FER: variants seen among roughly 807,000 people sequenced by gnomAD.
The protein encoded by FER is tyrosine-protein kinase Fer.
In FER, 63 loss-of-function variants were observed where a neutral mutation model predicts 111.0. The observed-to-expected ratio is 0.57, with a 90% CI of 0.46 to 0.70. The LOEUF is 0.70. Among genes scored for constraint, FER ranks in the 30% least tolerant of loss-of-function variants. FER has a pLI of 0.00. For synonymous variants in FER, 327 were observed against 313.9 expected (o/e 1.04, Z -0.44); for missense variants, 914 against 954.0 (o/e 0.96, Z 0.55).
rs969684453 is a variant in FER at position 109,192,702 on chromosome 5, G to A, written c.*5127G>A. On this transcript the variant is annotated 3_prime_UTR_variant, in exon 20 of 20. Coordinates refer to ENST00000281092, the MANE Select transcript of FER (RefSeq NM_005246.4). ...ACCTGGGCTAAAGTCTCCTAAATGG[G>A]ACTACACTTAGATCCGCCCTATTTC... 6.6e-6 allele frequency: 1 copy of A among 152,072 alleles called. No individual in the cohort carries two copies. Among genetic ancestry groups the A allele is most frequent in the Non-Finnish European group, 1.5e-5 (1 of 67,998 alleles). 9.4% of individuals were successfully genotyped at this position (152,072 alleles called of 1,614,324 possible). A position where few individuals can be genotyped will look rare whatever the true frequency, so the allele number is the denominator to read the frequency against.
chr5:108,893,251 C>T (rs1167086201), intron 9 of FER, among the ~76,000 whole-genome samples: 2 of 151,482 alleles, frequency 1.3e-5, no homozygotes, highest in Admixed American at 6.6e-5. Context: ...CTATAAATTA[C>T]TTTGGGCAGT....
intron 17 of FER, among the ~76,000 whole-genome samples, chr5:109,107,647 T>C (rs1749102272): frequency 6.6e-6 from 1 of 152,158 alleles, no homozygotes. Context: ...CTCACAGAAC[T>C]CAAGGACTGA....
intron 2 of FER, among the ~76,000 whole-genome samples, chr5:108,769,046 C>T (rs982981477): frequency 1.3e-5 from 2 of 152,134 alleles, no homozygotes; most frequent in African/African-American, 4.8e-5. Flanking sequence ...AGGCTCTTCT[C>T]AAACTCCTGA....
chr5:108,820,643 G>A (rs1758736744), intron 3 of FER: 1 of 590,556 alleles, frequency 1.7e-6, no homozygotes. Context: ...TTTGAGACTG[G>A]ACCGTAACTG....
chr5:109,168,006 A>C (rs1362441404), intron 17 of FER, among the ~76,000 whole-genome samples: 1 of 150,888 alleles, frequency 6.6e-6, no homozygotes, highest in African/African-American at 2.5e-5. Flanking sequence ...TCTTAGCTTA[A>C]TTATACCAAA....
At chr5:108,762,802 C>T (rs1394886665) in intron 1 of FER, among the ~76,000 whole-genome samples, 1 of 152,144 alleles carries the variant, frequency 6.6e-6, no homozygotes, top group Non-Finnish European at 1.5e-5. Flanking sequence ...CTGTTCTCTG[C>T]TTAGAATGCC....
At chr5:108,998,990 G>GA in intron 13 of FER, among the ~76,000 whole-genome samples, 1 of 152,104 alleles carries the variant, frequency 6.6e-6, no homozygotes, top group East Asian at 1.9e-4. Flanking sequence ...TTTCAAACAT[G>GA]AAAAAATACA....
At chr5:109,054,206 A>G (rs1773323503) in intron 16 of FER, among the ~76,000 whole-genome samples, 1 of 152,212 alleles carries the variant, frequency 6.6e-6, no homozygotes, top group Non-Finnish European at 1.5e-5. Context: ...TTAAGAAACT[A>G]CCAAATTACT....
chr5:109,107,288 T>G (rs991859007), intron 17 of FER, among the ~76,000 whole-genome samples: 3 of 152,156 alleles, frequency 2.0e-5, no homozygotes, highest in African/African-American at 7.2e-5. Context: ...TTTTAGGGAA[T>G]ATTTGATTAC....
chr5:109,041,120 A>G (rs1281261900), intron 14 of FER, among the ~76,000 whole-genome samples: 1 of 152,184 alleles, frequency 6.6e-6, no homozygotes, highest in Admixed American at 6.6e-5. Context: ...ATTGAGTAGC[A>G]TTAAGGGCCC....
At chr5:108,861,822 G>T (rs569912474) in intron 5 of FER, among the ~76,000 whole-genome samples, 1 of 152,050 alleles carries the variant, frequency 6.6e-6, no homozygotes, top group East Asian at 1.9e-4. Flanking sequence ...TTTTTATATG[G>T]TATTAACATT....
intron 17 of FER, among the ~76,000 whole-genome samples, chr5:109,172,147 G>T (rs559975946): frequency 3.3e-5 from 5 of 152,090 alleles, no homozygotes; most frequent in East Asian, 1.9e-4. Context: ...TATACCCAAA[G>T]GACTATAAAT....
At chr5:108,861,120 G>C (rs1403302517) in intron 5 of FER, among the ~76,000 whole-genome samples, 1 of 152,144 alleles carries the variant, frequency 6.6e-6, no homozygotes, top group Non-Finnish European at 1.5e-5. Context: ...CTGAAAGAAA[G>C]GAAAATTGTA....
chr5:108,942,361 C>G (rs1377594263), intron 10 of FER, among the ~76,000 whole-genome samples: 2 of 152,136 alleles, frequency 1.3e-5, no homozygotes, highest in African/African-American at 4.8e-5. Flanking sequence ...TCTTAATAAT[C>G]ATTCAGATGT....
intron 17 of FER, among the ~76,000 whole-genome samples, chr5:109,125,863 A>T (rs563907938): frequency 2.2e-4 from 34 of 152,308 alleles, no homozygotes; most frequent in African/African-American, 5.5e-4. Context: ...CTAAACTGGA[A>T]ATTCTTTTTA....
At chr5:109,027,253 A>T (rs915202588) in intron 13 of FER, among the ~76,000 whole-genome samples, 1 of 152,098 alleles carries the variant, frequency 6.6e-6, no homozygotes. Flanking sequence ...CCTGCAATAC[A>T]TTGGCTCTTG....
At chr5:108,816,819 TTGAC>T (rs1758329240) in intron 3 of FER, among the ~76,000 whole-genome samples, 1 of 152,036 alleles carries the variant, frequency 6.6e-6, no homozygotes, top group African/African-American at 2.4e-5. Context: ...TTGCAGTTGT[TTGAC>T]TGGGCATGGT....
intron 16 of FER, among the ~76,000 whole-genome samples, chr5:109,058,960 G>A (rs113735302): frequency 0.13 from 20,289 of 150,712 alleles, 1,418 homozygotes; most frequent in Non-Finnish European, 0.14. Flanking sequence ...GGCTGGTCTC[G>A]AACTCCTGAC....
In FER at chr5:109,104,985, C is replaced by T. The variant is rs558614669; in HGVS notation, c.2048+4466C>T. Among the ~76,000 whole-genome samples, 5 of 152,144 alleles carry T rather than the reference C, an allele frequency of 3.3e-5. No individual in the cohort carries two copies. The South Asian group carries it at 6.2e-4, about 19-fold the overall frequency. ...GTCTCAATCTCCTGACCTCGTGATC[C>T]GCCTGCCTTGGCCTCCCAAAGTGCT... On this transcript the variant is annotated intron_variant, in intron 17 of 19. Coordinates refer to ENST00000281092, the MANE Select transcript of FER (RefSeq NM_005246.4).
Sources: gnomAD v4.1 joint callset for allele counts (sites outside exome capture counted in the v4.1 genomes callset) on GRCh38, gnomAD v4.1.1 for gene constraint, MANE v1.5 for transcripts, NCBI Gene and HGNC (gene_info 2026-07-23, HGNC 2026-07-21) for gene names.